The following SYCE1L variants were observed in gnomAD, a reference collection of about 807,000 sequenced individuals.
SYCE1L encodes the protein synaptonemal complex central element protein 1 like, also known as synaptonemal complex central element protein 1-like.
In SYCE1L, 51 loss-of-function variants were observed where a neutral mutation model predicts 39.6. That is an observed-to-expected ratio of 1.29 (90% confidence interval 1.03 to 1.63). The LOEUF is 1.63. Among genes scored for constraint, SYCE1L ranks in the 40% most tolerant of loss-of-function variants. The pLI is 0.00. For synonymous variants in SYCE1L, 147 were observed against 122.4 expected, an observed-to-expected ratio of 1.20 and a Z score of -1.33; for missense variants, 426 against 304.9, an observed-to-expected ratio of 1.40 and a Z score of -2.96.
rs1319136572 is a variant in SYCE1L at position 77,199,521 on chromosome 16, G to A, written c.61+9G>A. The A allele has an allele frequency of 7.1e-6, 11 of 1,549,260 alleles. No homozygotes were observed. Among genetic ancestry groups the A allele is most frequent in the Non-Finnish European group, 8.7e-6 (10 of 1,145,114 alleles). On this transcript the variant is annotated intron_variant, in intron 1 of 10. Coordinates refer to ENST00000378644, the MANE Select transcript of SYCE1L (RefSeq NM_001129979.3). ...TACTGAGGAGGCTGAAGGTAGTGAG[G>A]GCAAGTGGGCTGCACTCCTTTCTCT...
At chr16:77,199,711 A>C in intron 1 of SYCE1L, 199 bp downstream of exon 1, 1 of 530,306 alleles carries the variant, frequency 1.9e-6, no homozygotes, top group South Asian at 2.9e-5. Flanking sequence ...CTTATCACCG[A>C]GATTAACTTT....
intron 1 of SYCE1L, among the ~76,000 whole-genome samples, chr16:77,204,242 C>A (rs965269894): frequency 6.6e-6 from 1 of 152,134 alleles, no homozygotes; most frequent in African/African-American, 2.4e-5. Context: ...TAGATACAGT[C>A]TAATGCAAGC....
rs1268636040 is a variant in SYCE1L, at chr16:77,212,894, A to T, written c.692A>T (p.Asp231Val). ...PELPRARDEE[D>V]PEPPVAAPDA... The stretch of plus-strand genomic sequence containing the variant: ...CTCCCCCGCGCTCGCGACGAGGAGG[A>T]TCCCGAGCCGCCGGTGGCTGCCCCT... Residue 231 changes from aspartate (D) to valine (V), a missense_variant, in exon 11 of 11, where the codon GAT becomes GTT. Asp to Val is a radical substitution (Grantham distance 152). Transcript: ENST00000378644. 2 of 1,527,784 alleles carry T rather than the reference A, an allele frequency of 1.3e-6. No individual in the cohort carries two copies. Among genetic ancestry groups the T allele is most frequent in the Non-Finnish European group, 1.8e-6 (2 of 1,139,560 alleles). The allele number at this position is 1,527,784 out of a possible 1,614,324, so 94.6% of individuals were successfully genotyped here.
At chr16:77,210,648 A>C (rs558037186) in intron 6 of SYCE1L, among the ~76,000 whole-genome samples, 1 of 152,138 alleles carries the variant, frequency 6.6e-6, no homozygotes, top group Non-Finnish European at 1.5e-5. Flanking sequence ...TCAAGCCAGG[A>C]TGTTATAGAA....
At position 77,212,917 on chromosome 16, in the gene SYCE1L, C is replaced by T. The variant is rs1314576511; in HGVS notation, c.715C>T (p.Pro239Ser). The change falls in exon 11 of 11, where the codon CCT becomes TCT. Residue 239 changes from proline (P) to serine (S), a missense_variant. By Grantham distance (74) the Pro-to-Ser change is moderately conservative (BLOSUM62 -1). Transcript: ENST00000378644. ...GGATCCCGAGCCGCCGGTGGCTGCC[C>T]CTGACGCCCTCTAGGCCAGCAGGAC... ...EEDPEPPVAAPDAL is the reference protein window; with the variant it reads ...EEDPEPPVAASDAL The T allele has an allele frequency of 3.9e-6, 6 of 1,530,516 alleles. No homozygotes were observed. Among genetic ancestry groups the T allele is most frequent in the Non-Finnish European group, 5.3e-6 (6 of 1,140,224 alleles). The allele number at this position is 1,530,516 out of a possible 1,614,324, so 94.8% of individuals were successfully genotyped here.
rs1196981140 is a variant in SYCE1L at position 77,208,223 on chromosome 16, G to T, written c.135G>T (p.Glu45Asp). The change falls in exon 3 of 11, where the codon GAG becomes GAT. Residue 45 changes from glutamate (E) to aspartate (D), a missense_variant. By Grantham distance (45) the Glu-to-Asp change is conservative. Coordinates refer to ENST00000378644, the MANE Select transcript of SYCE1L (RefSeq NM_001129979.3). ...VIKLQKEGSL[E>D]PQIEDLISRI... Reference sequence around the variant, plus strand: ...TTCTTTCTTCAGAGGGAAGCCTGGAGCCACAGATAGAGGACCTGATTAGCC... The same window carrying T: ...TTCTTTCTTCAGAGGGAAGCCTGGATCCACAGATAGAGGACCTGATTAGCC... The T allele has an allele frequency of 6.4e-7, 1 of 1,551,618 alleles. No homozygotes were observed. The highest frequency in any genetic ancestry group is 8.7e-7 in the Non-Finnish European group (1 of 1,146,980).
rs1417846033 is a variant in SYCE1L at position 77,213,176 on chromosome 16, C to A, written c.*245C>A. ...AGAGTAAGTGGGTGTCAGTATCCCC[C>A]GCCCCACGGCCTCATCTCGAGTTCC... On this transcript the variant is annotated 3_prime_UTR_variant, in exon 11 of 11. Coordinates refer to ENST00000378644, the MANE Select transcript of SYCE1L (RefSeq NM_001129979.3). 4.3e-5 allele frequency: 17 copies of A among 396,026 alleles called. No individual in the cohort carries two copies. The highest frequency in any genetic ancestry group is 5.8e-5 in the Non-Finnish European group (13 of 224,544). The allele number at this position is 396,026 out of a possible 1,614,324, so 24.5% of individuals were successfully genotyped here.
chr16:77,212,403 C>T lies in SYCE1L; in HGVS notation c.581+34C>T, dbSNP rs993095202. On this transcript the variant is annotated intron_variant, in intron 9 of 10. Coordinates refer to ENST00000378644, the MANE Select transcript of SYCE1L (RefSeq NM_001129979.3). The stretch of plus-strand genomic sequence containing the variant: ...GGAAGGGAGGAGTGGGCGAGGAGGG[C>T]AGGGGCAGGGCGGAGGGGAACCCGC... 5 of 1,527,516 alleles carry T rather than the reference C, an allele frequency of 3.3e-6. No individual in the cohort carries two copies. The African/African-American group carries it at 5.6e-5, about 17-fold the overall frequency. The allele number at this position is 1,527,516 out of a possible 1,614,324, so 94.6% of individuals were successfully genotyped here.
rs374478489 is a variant in SYCE1L at position 77,209,405 on chromosome 16, C to G, written c.305-12C>G. 2 of 1,551,574 alleles carry G rather than the reference C, an allele frequency of 1.3e-6. No individual in the cohort carries two copies. Among genetic ancestry groups the G allele is most frequent in the Non-Finnish European group, 1.7e-6 (2 of 1,146,998 alleles). On this transcript the variant is annotated splice_polypyrimidine_tract_variant and intron_variant, in intron 5 of 10. Transcript: ENST00000378644. ...GAGCTCTCAAAGGGTCCCCTTGGTT[C>G]CTTCCCCACAGAGGCACTGAGGATC...
At chr16:77,204,265 G>A (rs61429946) in intron 1 of SYCE1L, among the ~76,000 whole-genome samples, 2 of 152,144 alleles carry the variant, frequency 1.3e-5, no homozygotes, top group African/African-American at 2.4e-5. Flanking sequence ...AAAGAATAAT[G>A]TACAAGGATG....
chr16:77,206,344 C>T, intron 1 of SYCE1L, 97 bp from the exon 2 acceptor site: 1 of 1,062,842 alleles, frequency 9.4e-7, no homozygotes, highest in Non-Finnish European at 1.4e-6. Context: ...AGCCCCAGCC[C>T]ACGGGTGTCT....
At chr16:77,200,503 C>T (rs1450103406) in intron 1 of SYCE1L, 1 of 150,822 alleles carries the variant, frequency 6.6e-6, no homozygotes, top group Admixed American at 6.6e-5. Context: ...TGCCTGTAAT[C>T]CCAGCACTTT....
chr16:77,213,001 C>T lies in SYCE1L; in HGVS notation c.*70C>T. The T allele has an allele frequency of 4.3e-6, 6 of 1,395,692 alleles. No individual in the cohort carries two copies. Among genetic ancestry groups the T allele is most frequent in the Non-Finnish European group, 5.7e-6 (6 of 1,056,146 alleles). The allele number at this position is 1,395,692 out of a possible 1,614,324, so 86.5% of individuals were successfully genotyped here. ...AAGAAATAAAGGCGATGATTTCCGA[C>T]CATGCTCGCGTTCTCCGCGGAGTCT... On this transcript the variant is annotated 3_prime_UTR_variant, in exon 11 of 11. Coordinates refer to ENST00000378644, the MANE Select transcript of SYCE1L (RefSeq NM_001129979.3).
At chr16:77,208,409 G>C (rs2054800339) in intron 3 of SYCE1L, 56 bp from the exon 4 acceptor site, 2 of 1,548,972 alleles carry the variant, frequency 1.3e-6, no homozygotes, top group Non-Finnish European at 1.7e-6. Context: ...ATTTGCGAGA[G>C]AACAGCAAGG....
intron 1 of SYCE1L, chr16:77,201,630 G>C (rs1476901772): frequency 6.6e-6 from 1 of 152,108 alleles, no homozygotes; most frequent in Non-Finnish European, 1.5e-5. Flanking sequence ...ATACGTAAGT[G>C]TATGGACCAG....
Position 77,212,638 on chromosome 16 carries a change from G to A in SYCE1L, c.646G>A (p.Glu216Lys), listed in dbSNP as rs1436346625. The A allele has an allele frequency of 1.3e-6, 2 of 1,534,850 alleles. No homozygotes were observed. The highest frequency in any genetic ancestry group is 3.9e-5 in the Admixed American group (2 of 50,910). The change falls in exon 10 of 11, where the codon GAG becomes AAG. Residue 216 changes from glutamate to lysine, a missense_variant. Transcript: ENST00000378644. ...GAGCGCCCCCGAGGTCGGGGCCGGC[G>A]AGGGAGAGGTAGGGAGCCCGAGGAA... ...VRSAPEVGAG[E>K]GEAGPELPRA... is the part of the protein sequence containing the mutation.
In SYCE1L at chr16:77,212,606, A is replaced by G; in HGVS notation, c.614A>G (p.Gln205Arg). Residue 205 changes from glutamine (Q) to arginine (R), a missense_variant, in exon 10 of 11, where the codon CAG becomes CGG. Physicochemically the swap from Gln to Arg is conservative, Grantham distance 43. Transcript: ENST00000378644. ...LKAELEIFGE[Q>R]VRSAPEVGAG... The stretch of plus-strand genomic sequence containing the variant: ...GCGGAGCTGGAGATATTCGGGGAGC[A>G]GGTCCGGAGCGCCCCCGAGGTCGGG... 6.5e-7 allele frequency: 1 copy of G among 1,536,034 alleles called. No individual in the cohort carries two copies. Among genetic ancestry groups the G allele is most frequent in the Non-Finnish European group, 8.7e-7 (1 of 1,146,470 alleles).
At chr16:77,211,392 C>G (rs1318851612) in intron 7 of SYCE1L, 116 bp downstream of exon 7, 10 of 1,259,868 alleles carry the variant, frequency 7.9e-6, no homozygotes, top group Non-Finnish European at 1.1e-5. Context: ...GTCCTTGATT[C>G]CTTGCTTCCG....
At chr16:77,206,831 ATATT>A in intron 2 of SYCE1L, among the ~76,000 whole-genome samples, 1 of 49,362 alleles carries the variant, frequency 2.0e-5, no homozygotes, top group Non-Finnish European at 7.5e-5. Flanking sequence ...TCATGGATGT[ATATT>A]TTTTGTCCTC....
Sources: allele counts gnomAD v4.1 joint callset (sites outside exome capture counted in the v4.1 genomes callset), GRCh38; gene constraint gnomAD v4.1.1; transcripts MANE v1.5; gene names NCBI Gene and HGNC (gene_info 2026-07-23, HGNC 2026-07-21).